ESR2: variants seen among roughly 807,000 people sequenced by gnomAD.
ESR2 encodes estrogen receptor beta.
A neutral mutation model predicts 49.6 loss-of-function variants in ESR2; 36 were observed. The ratio of observed to expected loss-of-function variants is 0.73; its 90% CI spans 0.56 to 0.96. ESR2 has a LOEUF of 0.96. ESR2 is among the 40% of genes least tolerant of loss of function. The pLI is 0.00. For missense variants in ESR2, 714 were observed against 693.0 expected, an observed-to-expected ratio of 1.03 and a Z score of -0.34; for synonymous variants, 320 against 266.1, an observed-to-expected ratio of 1.20 and a Z score of -1.97.
Position 64,260,688 on chromosome 14 carries a change from T to TATTA in ESR2, c.712_713insTAAT (p.Gln238LeufsTer40). On this transcript the variant is annotated frameshift_variant, in exon 5 of 9. Coordinates refer to ENST00000341099, the MANE Select transcript of ESR2 (RefSeq NM_001437.3). LOFTEE classifies it high-confidence loss of function. ...CTTGGCCTTGCCGGCACAGTGCAGC[T>TATTA]GCTCGTCGGCACTTCTCTGTCTCCG... The TATTA allele has an allele frequency of 8.4e-6, 13 of 1,556,580 alleles. No individual in the cohort carries two copies. Among genetic ancestry groups the TATTA allele is most frequent in the Middle Eastern group, 1.7e-4 (1 of 5,840 alleles).
chr14:64,282,845 T>A lies in ESR2; in HGVS notation c.141A>T (p.Thr47=). 1 of 1,614,174 alleles carries A rather than the reference T, an allele frequency of 6.2e-7. No individual in the cohort carries two copies. The highest frequency in any genetic ancestry group is 8.5e-7 in the Non-Finnish European group (1 of 1,180,020). The change falls in exon 2 of 9, where the codon ACA becomes ACT. Residue 47 remains threonine, a synonymous_variant. Coordinates refer to ENST00000341099, the MANE Select transcript of ESR2 (RefSeq NM_001437.3). ...AATTCATCACAGCAGGGCTATAGAA[T>A]GTCATGGCTGGATATTCATGGTGGC... is the stretch of plus-strand genomic sequence containing the variant. The part of the protein sequence containing the change: ...VDSHHEYPAM[T]FYSPAVMNYS...
chr14:64,332,257 A>G (rs966172410), intron 1 of ESR2: 1 of 152,190 alleles, frequency 6.6e-6, no homozygotes, highest in African/African-American at 2.4e-5. Flanking sequence ...TCTTAGTTTG[A>G]GTAAATATTT....
At chr14:64,319,009 C>T (rs1469233660) in intron 1 of ESR2, among the ~76,000 whole-genome samples, 12 of 151,822 alleles carry the variant, frequency 7.9e-5, no homozygotes, top group Non-Finnish European at 1.8e-4. Flanking sequence ...TCACTGCACT[C>T]CAGCCCTCCA....
intron 5 of ESR2, among the ~76,000 whole-genome samples, chr14:64,259,647 C>G (rs28458963): frequency 0.18 from 26,674 of 152,074 alleles, 3,865 homozygotes; most frequent in African/African-American, 0.4. Context: ...ATGGAAAACG[C>G]AGGTTCCAAG....
rs573205274 is a variant in ESR2, at chr14:64,263,171, G to A, written c.653-2423C>T. On this transcript the variant is annotated intron_variant, in intron 4 of 8. Coordinates refer to ENST00000341099, the MANE Select transcript of ESR2 (RefSeq NM_001437.3). Reference sequence around the variant, plus strand: ...ATCTAGACATAGATTAGGTGTAAGAGATATACCTAACATATAGAAAAACAA... The same window carrying A: ...ATCTAGACATAGATTAGGTGTAAGAAATATACCTAACATATAGAAAAACAA... Among the ~76,000 whole-genome samples the A allele has an allele frequency of 9.9e-5, 15 of 152,074 alleles. No homozygotes were observed. The South Asian group carries it at 3.1e-3, about 32-fold the overall frequency.
intron 3 of ESR2, among the ~76,000 whole-genome samples, chr14:64,272,623 A>G (rs1347828682): frequency 2.0e-5 from 3 of 152,156 alleles, no homozygotes; most frequent in Non-Finnish European, 4.4e-5. Flanking sequence ...ATGGATATCC[A>G]GTTTTCCCAG....
At chr14:64,280,781 G>A (rs551255967) in intron 2 of ESR2, among the ~76,000 whole-genome samples, 1 of 152,332 alleles carries the variant, frequency 6.6e-6, no homozygotes, top group African/African-American at 2.4e-5. Flanking sequence ...GAGCCAAGGT[G>A]GGCGTATCAC....
chr14:64,233,527 GTGTCCCACCACACACCTACAA>G, intron 8 of ESR2: 1 of 563,296 alleles, frequency 1.8e-6, no homozygotes, highest in Non-Finnish European at 3.2e-6. Context: ...GTCAGCCTCT[GTGTCCCACCACACACCTACAA>G]TGGCCTGACA....
At chr14:64,283,802 T>A (rs2076734457) in intron 1 of ESR2, among the ~76,000 whole-genome samples, 2 of 116,868 alleles carry the variant, frequency 1.7e-5, no homozygotes, top group African/African-American at 7.3e-5. Context: ...GAAAAAAGTT[T>A]TTAAAAGAAA....
In ESR2 at chr14:64,229,875, A is replaced by C. The variant is rs1325648463; in HGVS notation, c.*3262T>G. On this transcript the variant is annotated 3_prime_UTR_variant, in exon 9 of 9. Transcript: ENST00000341099. Reference sequence around the variant, plus strand: ...TTTATCTTTTTAAAAGATTTTCAGCAACTTAAAAAAAAATGTGGCGGGGCT... The same window carrying C: ...TTTATCTTTTTAAAAGATTTTCAGCCACTTAAAAAAAAATGTGGCGGGGCT... Among the ~76,000 whole-genome samples, 5 of 152,090 alleles carry C rather than the reference A, an allele frequency of 3.3e-5. No individual in the cohort carries two copies. The highest frequency in any genetic ancestry group is 3.3e-4 in the Admixed American group (5 of 15,276).
chr14:64,237,125 A>C lies in ESR2; in HGVS notation c.1226-1975T>G, dbSNP rs139202049. On this transcript the variant is annotated intron_variant, in intron 7 of 8. Coordinates refer to ENST00000341099, the MANE Select transcript of ESR2 (RefSeq NM_001437.3). ...ACAGGCATGCGCCACCATGCCCAGC[A>C]AATTTTTTGTATTTTCAGTAGAGAC... 4.7e-3 allele frequency among the ~76,000 whole-genome samples: 721 copies of C among 151,828 alleles called. 6 individuals are homozygous for C. The highest frequency in any genetic ancestry group is 0.016 in the African/African-American group (679 of 41,384).
intron 7 of ESR2, among the ~76,000 whole-genome samples, chr14:64,248,241 C>T (rs1028878703): frequency 6.6e-5 from 10 of 151,762 alleles, no homozygotes; most frequent in Admixed American, 2.6e-4. Context: ...CAGTGGCTCA[C>T]GCTTGTAAAT....
intron 1 of ESR2, among the ~76,000 whole-genome samples, chr14:64,327,499 C>T (rs1366133627): frequency 8.7e-6 from 1 of 115,564 alleles, no homozygotes; most frequent in Non-Finnish European, 2.1e-5. Context: ...AGTTCGAGAT[C>T]AGCCTGGCCA....
intron 7 of ESR2, 27 bp from the exon 8 acceptor site, chr14:64,235,177 C>A: frequency 6.2e-7 from 1 of 1,601,102 alleles, no homozygotes; most frequent in South Asian, 1.1e-5. Context: ...AGCCAGAAGT[C>A]ATTGCTCTGA....
At chr14:64,325,977 C>T (rs1390125364) in intron 1 of ESR2, among the ~76,000 whole-genome samples, 3 of 145,286 alleles carry the variant, frequency 2.1e-5, no homozygotes, top group Non-Finnish European at 4.5e-5. Context: ...CAATTATACA[C>T]AGATTTTTTT....
At chr14:64,243,276 T>C (rs1463032482) in intron 7 of ESR2, among the ~76,000 whole-genome samples, 1 of 152,198 alleles carries the variant, frequency 6.6e-6, no homozygotes, top group Admixed American at 6.5e-5. Context: ...TGGGCATAGT[T>C]TGTGGCACCC....
chr14:64,274,030 C>G (rs778541996), intron 3 of ESR2, among the ~76,000 whole-genome samples: 2 of 150,704 alleles, frequency 1.3e-5, no homozygotes, highest in Non-Finnish European at 2.9e-5. Flanking sequence ...GTCTTGACTT[C>G]CCGGTCCCAA....
At chr14:64,279,882 C>A in intron 3 of ESR2, 99 bp downstream of exon 3, 1 of 957,238 alleles carries the variant, frequency 1.0e-6, no homozygotes, top group Non-Finnish European at 1.6e-6. Context: ...CTTTGTGTGC[C>A]AAACAGGCCA....
rs185379549 is a variant in ESR2, at chr14:64,228,497, C to T, written c.*4640G>A. Reference sequence around the variant, plus strand: ...TTTCTACAAGGCCCAAATGTAAAGCCTGCAAATGAAGTCAACAAATTAGTG... The same window carrying T: ...TTTCTACAAGGCCCAAATGTAAAGCTTGCAAATGAAGTCAACAAATTAGTG... On this transcript the variant is annotated 3_prime_UTR_variant, in exon 9 of 9. Transcript: ENST00000341099. Among the ~76,000 whole-genome samples, 3 of 152,290 alleles carry T rather than the reference C, an allele frequency of 2.0e-5. No homozygotes were observed. Among genetic ancestry groups the T allele is most frequent in the Non-Finnish European group, 4.4e-5 (3 of 68,016 alleles).
Sources: gnomAD v4.1 joint callset for allele counts (sites outside exome capture counted in the v4.1 genomes callset) on GRCh38, gnomAD v4.1.1 for gene constraint, MANE v1.5 for transcripts, NCBI Gene and HGNC (gene_info 2026-07-23, HGNC 2026-07-21) for gene names.